The following EPHB2 variants were observed in gnomAD, a reference collection of about 807,000 sequenced individuals.
EPHB2 encodes the protein ephrin type-B receptor 2.
Under a neutral mutation model 96.4 loss-of-function variants are expected in EPHB2, and 18 were observed. The ratio of observed to expected loss-of-function variants is 0.19; its 90% CI spans 0.13 to 0.28. The LOEUF (loss-of-function observed/expected upper bound fraction) is 0.28. EPHB2 is among the 10% of genes least tolerant of loss of function. The pLI is 1.00. For synonymous variants in EPHB2, 506 were observed against 534.1 expected (o/e 0.95, Z 0.72); for missense variants, 989 against 1,355.4 (o/e 0.73, Z 4.25).
At chr1:22,847,196 A>T (rs1284540758) in intron 3 of EPHB2, among the ~76,000 whole-genome samples, 2 of 152,156 alleles carry the variant, frequency 1.3e-5, no homozygotes, top group East Asian at 3.9e-4. Context: ...CCAAGTCTTC[A>T]CTGCAGGTAA....
chr1:22,884,990 C>G (rs76179291), intron 6 of EPHB2, among the ~76,000 whole-genome samples: 1 of 152,294 alleles, frequency 6.6e-6, no homozygotes, highest in African/African-American at 2.4e-5. Flanking sequence ...TCCCCAGCGC[C>G]TGGCACACAG....
At chr1:22,774,590 G>A in intron 1 of EPHB2, 1 of 985,330 alleles carries the variant, frequency 1.0e-6, no homozygotes, top group Middle Eastern at 5.2e-4. Context: ...CAAGCAGGAG[G>A]AAATTTTGGA....
chr1:22,718,978 C>G (rs190325887), intron 1 of EPHB2, among the ~76,000 whole-genome samples: 81 of 152,302 alleles, frequency 5.3e-4, no homozygotes, highest in African/African-American at 1.9e-3. Context: ...AGCTGTCCAG[C>G]TTCCAGCTCC....
rs182183878 is a variant in EPHB2 at position 22,804,132 on chromosome 1, A to G, written c.811+19056A>G. ...CGGTCTCACAGAGCACATTAATGGA[A>G]CTGCCTTTTACACTCAGGACCGCAT... On this transcript the variant is annotated intron_variant, in intron 3 of 15. Transcript: ENST00000374630. Among the ~76,000 whole-genome samples the G allele has an allele frequency of 2.0e-5, 3 of 152,300 alleles. No individual in the cohort carries two copies. The East Asian group carries it at 5.8e-4, about 29-fold the overall frequency.
chr1:22,806,700 C>T (rs1430978231), intron 3 of EPHB2, among the ~76,000 whole-genome samples: 3 of 152,378 alleles, frequency 2.0e-5, no homozygotes, highest in East Asian at 1.9e-4. Flanking sequence ...GGGACAAAGC[C>T]GAGGGCGCGC....
chr1:22,824,217 A>G (rs1645191838), intron 3 of EPHB2, among the ~76,000 whole-genome samples: 1 of 148,116 alleles, frequency 6.8e-6, no homozygotes, highest in Non-Finnish European at 1.5e-5. Context: ...TAGATATATG[A>G]TTGGATAGAT....
At chr1:22,880,322 C>T (rs569606550) in intron 5 of EPHB2, among the ~76,000 whole-genome samples, 9 of 152,350 alleles carry the variant, frequency 5.9e-5, no homozygotes, top group Non-Finnish European at 1.3e-4. Flanking sequence ...GCTCCACACT[C>T]ACATCCCATA....
intron 1 of EPHB2, among the ~76,000 whole-genome samples, chr1:22,720,151 G>T (rs1486155782): frequency 2.0e-5 from 3 of 152,146 alleles, no homozygotes; most frequent in African/African-American, 7.2e-5. Context: ...TCCCAAGATG[G>T]TGAAATGGAA....
intron 3 of EPHB2, among the ~76,000 whole-genome samples, chr1:22,829,477 C>A (rs967272175): frequency 1.3e-5 from 2 of 152,214 alleles, no homozygotes; most frequent in Admixed American, 6.5e-5. Flanking sequence ...GCGTGGTCCC[C>A]AGAGGCCTCC....
At chr1:22,881,575 G>A (rs933581819) in intron 5 of EPHB2, among the ~76,000 whole-genome samples, 1 of 151,808 alleles carries the variant, frequency 6.6e-6, no homozygotes, top group Non-Finnish European at 1.5e-5. Flanking sequence ...AATCAAATGA[G>A]GGAATTGTAC....
intron 1 of EPHB2, among the ~76,000 whole-genome samples, chr1:22,748,133 A>G (rs1644003809): frequency 6.6e-6 from 1 of 152,188 alleles, no homozygotes; most frequent in African/African-American, 2.4e-5. Context: ...GGAGCAAGTA[A>G]TCTTATCAAT....
chr1:22,901,310 G>C (rs1639739837), intron 9 of EPHB2, among the ~76,000 whole-genome samples: 1 of 152,178 alleles, frequency 6.6e-6, no homozygotes, highest in South Asian at 2.1e-4. Flanking sequence ...CCATCGGGTA[G>C]GTGAAAAAAG....
chr1:22,752,356 G>A (rs1292834974), intron 1 of EPHB2, among the ~76,000 whole-genome samples: 1 of 152,074 alleles, frequency 6.6e-6, no homozygotes, highest in Non-Finnish European at 1.5e-5. Flanking sequence ...AATTAGCTGG[G>A]CATGGTGGTG....
At chr1:22,803,657 A>ATATG (rs1644880066) in intron 3 of EPHB2, among the ~76,000 whole-genome samples, 1 of 11,788 alleles carries the variant, frequency 8.5e-5, no homozygotes, top group Non-Finnish European at 2.7e-4. Flanking sequence ...ATATATATAT[A>ATATG]TGTGTATATA....
chr1:22,801,193 A>G (rs1346478087), intron 3 of EPHB2, among the ~76,000 whole-genome samples: 3 of 152,146 alleles, frequency 2.0e-5, no homozygotes, highest in African/African-American at 4.8e-5. Context: ...TGAGTGGTGA[A>G]GCCCCTGCCA....
At chr1:22,867,163 G>A (rs1233773477) in intron 5 of EPHB2, among the ~76,000 whole-genome samples, 1 of 152,182 alleles carries the variant, frequency 6.6e-6, no homozygotes, top group Admixed American at 6.5e-5. Context: ...ATGTGTCCAC[G>A]GCACCTTGAG....
intron 3 of EPHB2, among the ~76,000 whole-genome samples, chr1:22,802,172 G>A (rs1163384960): frequency 6.6e-6 from 1 of 152,156 alleles, no homozygotes; most frequent in Admixed American, 6.5e-5. Flanking sequence ...AGGGGGCTAG[G>A]GGGCAGACTA....
At chr1:22,731,308 G>A (rs1038357744) in intron 1 of EPHB2, among the ~76,000 whole-genome samples, 4 of 152,116 alleles carry the variant, frequency 2.6e-5, no homozygotes, top group African/African-American at 9.7e-5. Flanking sequence ...CTTGCTGAGC[G>A]ACTGTGCACA....
At chr1:22,856,506 G>T (rs1017615531) in intron 3 of EPHB2, among the ~76,000 whole-genome samples, 11 of 152,074 alleles carry the variant, frequency 7.2e-5, no homozygotes, top group South Asian at 4.2e-4. Context: ...AGCAAATCCC[G>T]TCCCCTCGGC....
Sources: allele counts gnomAD v4.1 joint callset (sites outside exome capture counted in the v4.1 genomes callset), GRCh38; gene constraint gnomAD v4.1.1; transcripts MANE v1.5; gene names NCBI Gene and HGNC (gene_info 2026-07-23, HGNC 2026-07-21).